Variants in MYCBP2 observed in about 807,000 individuals in gnomAD.
The protein encoded by MYCBP2 is E3 ubiquitin-protein ligase MYCBP2.
A neutral mutation model predicts 525.3 loss-of-function variants in MYCBP2; 120 were observed. The observed-to-expected ratio is 0.23, with a 90% CI of 0.20 to 0.27. MYCBP2 has a LOEUF of 0.27. Among genes scored for constraint, MYCBP2 ranks in the 10% least tolerant of loss-of-function variants. The pLI is 1.00. For missense variants in MYCBP2, 4,149 were observed against 5,657.1 expected, an observed-to-expected ratio of 0.73 and a Z score of 8.55; for synonymous variants, 1,894 against 1,955.8, an observed-to-expected ratio of 0.97 and a Z score of 0.83.
At chr13:77,050,043 C>T (rs1853189663) in intron 82 of MYCBP2, among the ~76,000 whole-genome samples, 1 of 151,914 alleles carries the variant, frequency 6.6e-6, no homozygotes, top group Admixed American at 6.6e-5. Flanking sequence ...GTAATATTAG[C>T]CACTACCCTA....
chr13:77,285,951 G>T (rs1231718423), intron 3 of MYCBP2, among the ~76,000 whole-genome samples: 4 of 152,236 alleles, frequency 2.6e-5, no homozygotes, highest in Middle Eastern at 3.4e-3. Flanking sequence ...GTACAGTTAG[G>T]ACATTGCAGA....
chr13:77,250,084 G>A (rs1328915617), intron 15 of MYCBP2, among the ~76,000 whole-genome samples: 2 of 151,426 alleles, frequency 1.3e-5, no homozygotes, highest in East Asian at 3.9e-4. Context: ...TTAGCCGGGC[G>A]TAGTGGCGGG....
Position 77,064,724 on chromosome 13 carries a change from G to A in MYCBP2, c.12563C>T (p.Ser4188Leu). ...LIKDMAAGHL[S>L]EAWSRVTKNA... ...TTTTGTCACTCGGGACCAAGCTTCT[G>A]ACAGATGACCCTATTGAGCAGAACA... The change falls in exon 73 of 83, where the codon TCA becomes TTA. Residue 4188 changes from serine (S) to leucine (L), a missense_variant. By Grantham distance (145) the Ser-to-Leu change is moderately radical. This residue lies in a region of MYCBP2 where 148 missense variants were observed against 179.4 expected (regional missense o/e 0.82). Transcript: ENST00000544440. 6.2e-7 allele frequency: 1 copy of A among 1,613,684 alleles called. No individual in the cohort carries two copies. Among genetic ancestry groups the A allele is most frequent in the Non-Finnish European group, 8.5e-7 (1 of 1,179,760 alleles).
At chr13:77,264,311 T>C (rs1461671017) in intron 8 of MYCBP2, among the ~76,000 whole-genome samples, 1 of 152,054 alleles carries the variant, frequency 6.6e-6, no homozygotes, top group Non-Finnish European at 1.5e-5. Context: ...ACTATAATGT[T>C]GGTTACAATC....
chr13:77,198,420 G>C (rs1371579225), intron 26 of MYCBP2, among the ~76,000 whole-genome samples: 2 of 152,204 alleles, frequency 1.3e-5, no homozygotes, highest in Non-Finnish European at 2.9e-5. Flanking sequence ...ATGAAGAAGA[G>C]TGTTAACATA....
intron 62 of MYCBP2, among the ~76,000 whole-genome samples, chr13:77,086,728 T>A (rs992381817): frequency 1.3e-5 from 2 of 152,170 alleles, no homozygotes; most frequent in African/African-American, 4.8e-5. Context: ...GATTGTTTTT[T>A]AAATATCAAT....
rs563473764 is a variant in MYCBP2 at position 77,286,612 on chromosome 13, C to T, written c.594+1549G>A. Among the ~76,000 whole-genome samples the T allele has an allele frequency of 6.7e-5, 10 of 148,412 alleles. No individual in the cohort carries two copies. In the South Asian group the frequency reaches 8.6e-4, roughly 13 times the overall value. On this transcript the variant is annotated intron_variant, in intron 3 of 82. Transcript: ENST00000544440. The stretch of plus-strand genomic sequence containing the variant: ...ACTAAAAATACAAAAAAAAATTAGC[C>T]GGGCGCGGTGGCAGGTGCCTGTAGT...
At chr13:77,095,195 C>A (rs1183398417) in intron 58 of MYCBP2, among the ~76,000 whole-genome samples, 163 bp downstream of exon 58, 2 of 151,990 alleles carry the variant, frequency 1.3e-5, no homozygotes, top group Non-Finnish European at 2.9e-5. Context: ...ACCATAAAGT[C>A]ATTATGTCAG....
At chr13:77,082,594 A>C (rs1347594281) in intron 63 of MYCBP2, among the ~76,000 whole-genome samples, 1 of 152,168 alleles carries the variant, frequency 6.6e-6, no homozygotes, top group Non-Finnish European at 1.5e-5. Context: ...TTGAAATTGG[A>C]ATCTGTTGAG....
At chr13:77,150,431 T>G (rs1410563261) in intron 47 of MYCBP2, among the ~76,000 whole-genome samples, 1 of 152,190 alleles carries the variant, frequency 6.6e-6, no homozygotes, top group East Asian at 1.9e-4. Flanking sequence ...TGTGGGCCAC[T>G]GTTCCTGGTC....
chr13:77,108,150 G>A (rs978687610), intron 55 of MYCBP2, among the ~76,000 whole-genome samples: 8 of 152,118 alleles, frequency 5.3e-5, no homozygotes, highest in African/African-American at 9.7e-5. Context: ...TAATCCACAT[G>A]ATCTGAATGT....
At chr13:77,169,278 CCCAGCAACTCGGGAGG>C (rs1236763451) in intron 39 of MYCBP2, among the ~76,000 whole-genome samples, 1 of 151,818 alleles carries the variant, frequency 6.6e-6, no homozygotes, top group African/African-American at 2.4e-5. Flanking sequence ...CGCCTGTAGT[CCCAGCAACTCGGGAGG>C]CTGAGGCAGG....
In MYCBP2 at chr13:77,273,669, CTG is replaced by C; in HGVS notation, c.749-3_749-2del. ...TCCAAAAGAAGCTGGAAGAGAGACTCTGTGGATAAAATAGAATTCAATTATAT... is the reference window on the plus strand; with the variant it reads ...TCCAAAAGAAGCTGGAAGAGAGACTCTGGATAAAATAGAATTCAATTATAT... On this transcript the variant is annotated splice_acceptor_variant and splice_polypyrimidine_tract_variant and intron_variant, in intron 4 of 82. Coordinates refer to ENST00000544440, the MANE Select transcript of MYCBP2 (RefSeq NM_015057.5). LOFTEE classifies it high-confidence loss of function. The C allele has an allele frequency of 6.6e-7, 1 of 1,504,576 alleles. No homozygotes were observed. The highest frequency in any genetic ancestry group is 8.9e-7 in the Non-Finnish European group (1 of 1,128,696). The allele number at this position is 1,504,576 out of a possible 1,614,324, so 93.2% of individuals were successfully genotyped here.
At chr13:77,100,079 A>T (rs1594533850) in intron 55 of MYCBP2, 1 of 152,116 alleles carries the variant, frequency 6.6e-6, no homozygotes, top group East Asian at 1.9e-4. Context: ...AAGTGGTATA[A>T]AAAACTGAAA....
chr13:77,262,032 A>C lies in MYCBP2; in HGVS notation c.1647+21T>G, dbSNP rs541993328. On this transcript the variant is annotated intron_variant, in intron 11 of 82. Coordinates refer to ENST00000544440, the MANE Select transcript of MYCBP2 (RefSeq NM_015057.5). ...CTTAAATCAGAGAATGCTCATTTTT[A>C]ATCCAAAGAGAATAATTTACCTTTC... 4 of 1,595,426 alleles carry C rather than the reference A, an allele frequency of 2.5e-6. No homozygotes were observed. In the South Asian group the frequency reaches 4.5e-5, roughly 18 times the overall value.
intron 18 of MYCBP2, among the ~76,000 whole-genome samples, chr13:77,226,233 T>C (rs78263587): frequency 0.028 from 4,273 of 152,266 alleles, 86 homozygotes; most frequent in East Asian, 0.053. Context: ...TCACTCCTTC[T>C]TTCCTCCTCC....
chr13:77,075,333 T>C (rs1292963442), intron 68 of MYCBP2, among the ~76,000 whole-genome samples: 1 of 152,208 alleles, frequency 6.6e-6, no homozygotes, highest in East Asian at 1.9e-4. Flanking sequence ...TTCAATAATC[T>C]AACTTAAAAA....
intron 52 of MYCBP2, among the ~76,000 whole-genome samples, chr13:77,138,156 C>T (rs547944186): frequency 2.6e-5 from 4 of 152,292 alleles, no homozygotes; most frequent in Admixed American, 6.5e-5. Flanking sequence ...AGTAAGCCAA[C>T]ACTCTAAATC....
chr13:77,150,327 A>T (rs2056276616), intron 47 of MYCBP2, among the ~76,000 whole-genome samples: 2 of 152,128 alleles, frequency 1.3e-5, no homozygotes, highest in Non-Finnish European at 2.9e-5. Context: ...TTTTTTGTAG[A>T]GATGGGGTCT....
Sources: allele counts gnomAD v4.1 joint callset (sites outside exome capture counted in the v4.1 genomes callset), GRCh38; gene constraint gnomAD v4.1.1; regional missense constraint gnomAD v4.1.1; transcripts MANE v1.5; gene names NCBI Gene and HGNC (gene_info 2026-07-23, HGNC 2026-07-21).